KREMEN1: variants seen among roughly 807,000 people sequenced by gnomAD.
KREMEN1 encodes kringle containing transmembrane protein 1.
A neutral mutation model predicts 46.5 loss-of-function variants in KREMEN1; 30 were observed. The observed-to-expected ratio is 0.65, with a 90% CI of 0.48 to 0.88. The LOEUF (loss-of-function observed/expected upper bound fraction) is 0.88, where lower values mean the gene tolerates loss of function less well. Ranked by LOEUF, KREMEN1 falls within the 40% of genes least tolerant of loss-of-function variation. The pLI is 0.00. For missense variants in KREMEN1, 533 were observed against 596.9 expected (o/e 0.89, Z 1.11); for synonymous variants, 214 against 230.6 (o/e 0.93, Z 0.65).
chr22:29,145,002 C>T lies in KREMEN1; in HGVS notation c.*2890C>T. Reference sequence around the variant, plus strand: ...GCAGCCCCGGGAAACCCAAATCTGGCTCAGGACAGCGTACGGGCAGGAGGG... The same window carrying T: ...GCAGCCCCGGGAAACCCAAATCTGGTTCAGGACAGCGTACGGGCAGGAGGG... On this transcript the variant is annotated 3_prime_UTR_variant, in exon 9 of 9. Transcript: ENST00000400335. 1 of 985,568 alleles carries T rather than the reference C, an allele frequency of 1.0e-6. No individual in the cohort carries two copies. Among genetic ancestry groups the T allele is most frequent in the Non-Finnish European group, 1.2e-6 (1 of 830,012 alleles). The allele number at this position is 985,568 out of a possible 1,614,324, so 61.1% of individuals were successfully genotyped here.
At chr22:29,162,439 G>A (rs1205415572) in intron 9 of KREMEN1, among the ~76,000 whole-genome samples, 1 of 152,038 alleles carries the variant, frequency 6.6e-6, no homozygotes, top group Non-Finnish European at 1.5e-5. Context: ...AATGCCGGCC[G>A]GGCACAGTGG....
At chr22:29,089,670 C>T (rs1021442941) in intron 1 of KREMEN1, among the ~76,000 whole-genome samples, 3 of 152,214 alleles carry the variant, frequency 2.0e-5, no homozygotes, top group Non-Finnish European at 4.4e-5. Context: ...TCCCCTTACA[C>T]TTAGAACAAA....
At chr22:29,125,714 T>C (rs923566901) in intron 5 of KREMEN1, among the ~76,000 whole-genome samples, 5 of 152,172 alleles carry the variant, frequency 3.3e-5, no homozygotes, top group African/African-American at 1.2e-4. Context: ...CAATTTTACA[T>C]AGACACTAAT....
chr22:29,113,006 CAG>C (rs1226036126), intron 3 of KREMEN1, among the ~76,000 whole-genome samples: 3 of 152,170 alleles, frequency 2.0e-5, no homozygotes, highest in Non-Finnish European at 2.9e-5. Context: ...TCGTGGTGAA[CAG>C]AGTGTTGAGG....
chr22:29,098,848 CT>C lies in KREMEN1; in HGVS notation c.261-10del. Reference sequence around the variant, plus strand: ...AACATCAGAAGTCATCAATTGTGTCCTTTTCCCCAACAGAAATCCAGATGGA... The same window carrying C: ...AACATCAGAAGTCATCAATTGTGTCCTTTCCCCAACAGAAATCCAGATGGA... On this transcript the variant is annotated splice_polypyrimidine_tract_variant and intron_variant, in intron 2 of 8. Coordinates refer to ENST00000400335, the MANE Select transcript of KREMEN1 (RefSeq NM_001039570.3). 5 of 1,604,400 alleles carry C rather than the reference CT, an allele frequency of 3.1e-6. No individual in the cohort carries two copies. Among genetic ancestry groups the C allele is most frequent in the South Asian group, 1.1e-5 (1 of 90,856 alleles).
At position 29,141,867 on chromosome 22, in the gene KREMEN1, A is replaced by G. The variant is rs2038767460; in HGVS notation, c.1209-77A>G. 2.5e-6 allele frequency: 3 copies of G among 1,185,306 alleles called. No individual in the cohort carries two copies. In the East Asian group the frequency reaches 7.7e-5, roughly 30 times the overall value. 73.4% of individuals were successfully genotyped at this position (1,185,306 alleles called of 1,614,324 possible). On this transcript the variant is annotated intron_variant, in intron 8 of 8. Transcript: ENST00000400335. ...AAGACCTTGCCCCACCCCATTTCAT[A>G]GATACAGTATCTCGTGAGATGGTAG... is the stretch of plus-strand genomic sequence containing the variant.
intron 9 of KREMEN1, among the ~76,000 whole-genome samples, chr22:29,158,846 G>A (rs1330788625): frequency 9.2e-5 from 14 of 152,144 alleles, no homozygotes; most frequent in Admixed American, 7.9e-4. Context: ...TTTGTTTTTT[G>A]AGACGGAGTC....
At chr22:29,131,772 A>G (rs1437941956) in intron 5 of KREMEN1, among the ~76,000 whole-genome samples, 1 of 140,268 alleles carries the variant, frequency 7.1e-6, no homozygotes, top group East Asian at 2.0e-4. Flanking sequence ...ATATATGTAT[A>G]TATATATATA....
intron 1 of KREMEN1, among the ~76,000 whole-genome samples, chr22:29,085,783 T>C (rs2145746202): frequency 6.6e-6 from 1 of 152,282 alleles, no homozygotes; most frequent in African/African-American, 2.4e-5. Context: ...GAGTTTGGCC[T>C]AGACAATGTA....
rs2038810547 is a variant in KREMEN1, at chr22:29,143,882, G to A, written c.*1770G>A. 3 of 985,526 alleles carry A rather than the reference G, an allele frequency of 3.0e-6. No individual in the cohort carries two copies. The highest frequency in any genetic ancestry group is 3.6e-6 in the Non-Finnish European group (3 of 829,982). The allele number at this position is 985,526 out of a possible 1,614,324, so 61.0% of individuals were successfully genotyped here. A position where few individuals can be genotyped will look rare whatever the true frequency, so the allele number is the denominator to read the frequency against. ...GCCACCCTGTCCCTTAGATAGGGAG[G>A]TGGGCTGCAGAGATTGGTGCCAGAA... is the stretch of plus-strand genomic sequence containing the variant. On this transcript the variant is annotated 3_prime_UTR_variant, in exon 9 of 9. Coordinates refer to ENST00000400335, the MANE Select transcript of KREMEN1 (RefSeq NM_001039570.3).
intron 9 of KREMEN1, among the ~76,000 whole-genome samples, chr22:29,161,460 T>C (rs1217150464): frequency 7.4e-6 from 1 of 134,846 alleles, no homozygotes. Flanking sequence ...TGAGCTGAGA[T>C]TGCGCCACTG....
intron 9 of KREMEN1, chr22:29,154,695 A>G (rs1601822181): frequency 6.9e-6 from 1 of 145,782 alleles, no homozygotes; most frequent in Non-Finnish European, 1.5e-5. Context: ...AAGCCCTTCC[A>G]TTACAGTTAC....
chr22:29,102,312 T>C (rs554359810), intron 3 of KREMEN1, among the ~76,000 whole-genome samples: 1 of 152,308 alleles, frequency 6.6e-6, no homozygotes, highest in East Asian at 1.9e-4. Flanking sequence ...TGAGTGTGCC[T>C]TCATCCAGTC....
At chr22:29,163,275 G>A (rs1488478165) in intron 9 of KREMEN1, among the ~76,000 whole-genome samples, 1 of 152,080 alleles carries the variant, frequency 6.6e-6, no homozygotes, top group Admixed American at 6.6e-5. Context: ...TTTGCCTTCC[G>A]CCATGCTTGT....
intron 3 of KREMEN1, among the ~76,000 whole-genome samples, chr22:29,117,483 C>T (rs1329536907): frequency 6.6e-6 from 1 of 151,678 alleles, no homozygotes; most frequent in South Asian, 2.1e-4. Context: ...AGGAGAATGG[C>T]GTGAACCCGG....
At chr22:29,159,185 C>G (rs1007520545) in intron 9 of KREMEN1, among the ~76,000 whole-genome samples, 6 of 145,488 alleles carry the variant, frequency 4.1e-5, no homozygotes, top group Admixed American at 3.5e-4. Flanking sequence ...AGGCTGGTCT[C>G]GAACTCCTGG....
chr22:29,088,293 G>A (rs907697052), intron 1 of KREMEN1, among the ~76,000 whole-genome samples: 8 of 132,552 alleles, frequency 6.0e-5, no homozygotes, highest in East Asian at 2.2e-4. Context: ...GTGCGCACGC[G>A]TGCACGCGTG....
rs35199515 is a variant in KREMEN1, at chr22:29,094,273, A to G, written c.113A>G (p.Asn38Ser). 101 of 1,608,036 alleles carry G rather than the reference A, an allele frequency of 6.3e-5. No homozygotes were observed. The African/African-American group carries it at 7.1e-4, about 11-fold the overall frequency. Residue 38 changes from asparagine (N) to serine (S), a missense_variant, in exon 2 of 9, where the codon AAT becomes AGT. By Grantham distance (46) the Asn-to-Ser change is conservative. Coordinates refer to ENST00000400335, the MANE Select transcript of KREMEN1 (RefSeq NM_001039570.3). ...TTTCTTCTAGAGTGTTTCACAGCCAATGGTGCGGATTATAGGGGAACACAG... is the reference window on the plus strand; with the variant it reads ...TTTCTTCTAGAGTGTTTCACAGCCAGTGGTGCGGATTATAGGGGAACACAG... ...LGPGPECFTANGADYRGTQNW... is the reference protein window; with the variant it reads ...LGPGPECFTASGADYRGTQNW...
intron 9 of KREMEN1, among the ~76,000 whole-genome samples, chr22:29,153,494 G>A (rs186225339): frequency 5.9e-5 from 9 of 152,158 alleles, no homozygotes; most frequent in East Asian, 5.8e-4. Flanking sequence ...GACCACAGGC[G>A]TGGGCTGCTA....
Sources: allele counts gnomAD v4.1 joint callset (sites outside exome capture counted in the v4.1 genomes callset), GRCh38; gene constraint gnomAD v4.1.1; transcripts MANE v1.5; gene names NCBI Gene and HGNC (gene_info 2026-07-23, HGNC 2026-07-21).